The following MACROD2 variants were observed in gnomAD, a reference collection of about 807,000 sequenced individuals.
MACROD2 encodes mono-ADP ribosylhydrolase 2.
In MACROD2, 36 loss-of-function variants were observed where a neutral mutation model predicts 70.4. That is an observed-to-expected ratio of 0.51 (90% CI 0.39 to 0.68). The LOEUF is 0.68. MACROD2 is among the 30% of genes least tolerant of loss of function. The probability of loss-of-function intolerance (pLI) is 0.00; values close to 1 mark genes in which losing one functional copy is unlikely to be tolerated. For synonymous variants in MACROD2, 172 were observed against 178.8 expected (o/e 0.96, Z 0.30); for missense variants, 496 against 538.4 (o/e 0.92, Z 0.78).
At chr20:14,545,101 T>C (rs967888450) in intron 4 of MACROD2, among the ~76,000 whole-genome samples, 8 of 152,140 alleles carry the variant, frequency 5.3e-5, no homozygotes, top group African/African-American at 1.9e-4. Flanking sequence ...CTCTGAGAGA[T>C]GAAATGTAAG....
intron 3 of MACROD2, among the ~76,000 whole-genome samples, chr20:14,136,163 A>G (rs11696983): frequency 0.057 from 8,723 of 152,274 alleles, 296 homozygotes; most frequent in African/African-American, 0.097. Context: ...ATAAAGAAAA[A>G]TCAATCCTAT....
At chr20:14,519,457 T>C (rs4813160) in intron 4 of MACROD2, among the ~76,000 whole-genome samples, 23,849 of 151,886 alleles carry the variant, frequency 0.16, 2,082 homozygotes, top group East Asian at 0.38. Context: ...CCAAAAAGCA[T>C]ATGAAAAAAT....
intron 8 of MACROD2, among the ~76,000 whole-genome samples, chr20:15,764,774 A>G (rs750200757): frequency 6.6e-6 from 1 of 152,208 alleles, no homozygotes; most frequent in Non-Finnish European, 1.5e-5. Context: ...ACAAAATCAG[A>G]TCACAGCAAT....
At chr20:14,818,503 CT>C (rs2072799495) in intron 5 of MACROD2, among the ~76,000 whole-genome samples, 1 of 152,022 alleles carries the variant, frequency 6.6e-6, no homozygotes, top group Non-Finnish European at 1.5e-5. Flanking sequence ...ATTTTAGTAA[CT>C]GCATCCTGTG....
chr20:14,543,216 C>T (rs1234949250), intron 4 of MACROD2, among the ~76,000 whole-genome samples: 1 of 152,126 alleles, frequency 6.6e-6, no homozygotes, highest in African/African-American at 2.4e-5. Flanking sequence ...ATGTAAGTGA[C>T]TAATGGACTG....
At chr20:14,829,367 T>C (rs998506766) in intron 5 of MACROD2, among the ~76,000 whole-genome samples, 4 of 151,828 alleles carry the variant, frequency 2.6e-5, no homozygotes, top group African/African-American at 9.7e-5. Context: ...CCTGACCTCG[T>C]GATCCACCCG....
At chr20:15,116,014 A>G (rs73096086) in intron 5 of MACROD2, among the ~76,000 whole-genome samples, 32,806 of 152,136 alleles carry the variant, frequency 0.22, 4,865 homozygotes, top group Non-Finnish European at 0.33. Context: ...TAAGAATTGA[A>G]AAGTAGAGAG....
intron 5 of MACROD2, among the ~76,000 whole-genome samples, chr20:15,120,180 G>A (rs564779251): frequency 6.6e-6 from 1 of 152,262 alleles, no homozygotes; most frequent in South Asian, 2.1e-4. Context: ...ATGATTCGTT[G>A]TCACCAATCA....
chr20:15,725,253 A>AT (rs770525296), intron 8 of MACROD2, among the ~76,000 whole-genome samples: 19 of 152,210 alleles, frequency 1.2e-4, no homozygotes, highest in Non-Finnish European at 2.5e-4. Flanking sequence ...TTCTTTTTAA[A>AT]TTTTTTTCAT....
chr20:14,664,924 A>G (rs2070720701), intron 4 of MACROD2, among the ~76,000 whole-genome samples: 2 of 152,108 alleles, frequency 1.3e-5, no homozygotes, highest in African/African-American at 4.8e-5. Context: ...CTTTTTTCAC[A>G]AAACCTGTCT....
intron 8 of MACROD2, among the ~76,000 whole-genome samples, chr20:15,618,312 T>A (rs2049070222): frequency 6.6e-6 from 1 of 152,118 alleles, no homozygotes. Context: ...TGCATCTGTC[T>A]ATGCAGATTG....
At chr20:14,789,629 C>T (rs1170404793) in intron 5 of MACROD2, among the ~76,000 whole-genome samples, 1 of 151,442 alleles carries the variant, frequency 6.6e-6, no homozygotes, top group Non-Finnish European at 1.5e-5. Context: ...GAAGTAGCCA[C>T]CATGCCTGGC....
intron 5 of MACROD2, among the ~76,000 whole-genome samples, chr20:14,867,376 T>G (rs956158067): frequency 6.6e-6 from 1 of 152,130 alleles, no homozygotes; most frequent in African/African-American, 2.4e-5. Flanking sequence ...ACTGCAAATA[T>G]GCCAGGTGAC....
intron 5 of MACROD2, among the ~76,000 whole-genome samples, chr20:14,852,112 T>C (rs886394507): frequency 4.0e-4 from 61 of 152,030 alleles, no homozygotes; most frequent in Non-Finnish European, 1.3e-4. Context: ...GTGAGCCCTC[T>C]GGAACACTCC....
rs181548752 is a variant in MACROD2 at position 15,729,948 on chromosome 20, C to T, written c.646-132797C>T. The stretch of plus-strand genomic sequence containing the variant: ...GGTTCAAGTGATTCTCTTGACTCAG[C>T]CTCCTGAGTAGCTGGATTACAGGCA... On this transcript the variant is annotated intron_variant, in intron 8 of 17. Coordinates refer to ENST00000684519, the MANE Select transcript of MACROD2 (RefSeq NM_001351661.2). Among the ~76,000 whole-genome samples the T allele has an allele frequency of 4.4e-3, 647 of 148,368 alleles. 3 individuals carry two copies. Among genetic ancestry groups the T allele is most frequent in the Middle Eastern group, 0.037 (10 of 272 alleles).
At chr20:15,858,512 C>T (rs892899093) in intron 8 of MACROD2, among the ~76,000 whole-genome samples, 2 of 152,066 alleles carry the variant, frequency 1.3e-5, no homozygotes, top group Admixed American at 6.5e-5. Context: ...TACTACATAG[C>T]TGGAAAAACA....
chr20:14,158,828 T>C (rs1482801940), intron 3 of MACROD2, among the ~76,000 whole-genome samples: 1 of 152,228 alleles, frequency 6.6e-6, no homozygotes, highest in Non-Finnish European at 1.5e-5. Context: ...AATATATTTC[T>C]AAGTCAGGTA....
intron 2 of MACROD2, among the ~76,000 whole-genome samples, chr20:14,050,742 A>G (rs1044034344): frequency 1.1e-4 from 17 of 152,210 alleles, no homozygotes; most frequent in African/African-American, 3.6e-4. Flanking sequence ...ATTGTGAAAG[A>G]AGCAATAGGT....
At chr20:14,273,072 T>G (rs1459854916) in intron 3 of MACROD2, among the ~76,000 whole-genome samples, 1 of 151,890 alleles carries the variant, frequency 6.6e-6, no homozygotes, top group Non-Finnish European at 1.5e-5. Context: ...ACTGTCAACA[T>G]TAGACAGATC....
Sources: allele counts gnomAD v4.1 joint callset (sites outside exome capture counted in the v4.1 genomes callset), GRCh38; gene constraint gnomAD v4.1.1; transcripts MANE v1.5; gene names NCBI Gene and HGNC (gene_info 2026-07-23, HGNC 2026-07-21).